BRINP3: variants seen among roughly 807,000 people sequenced by gnomAD.
The protein encoded by BRINP3 is BMP/retinoic acid inducible neural specific 3, also known as BMP/retinoic acid-inducible neural-specific protein 3.
Under a neutral mutation model 71.0 loss-of-function variants are expected in BRINP3, and 19 were observed. The ratio of observed to expected loss-of-function variants is 0.27; its 90% CI spans 0.19 to 0.39. The LOEUF is 0.39. Among genes scored for constraint, BRINP3 ranks in the 10% least tolerant of loss-of-function variants. The probability of loss-of-function intolerance (pLI) is 1.00; values close to 1 mark genes in which losing one functional copy is unlikely to be tolerated. For missense variants in BRINP3, 959 were observed against 940.8 expected (o/e 1.02, Z -0.25); for synonymous variants, 380 against 337.7 (o/e 1.13, Z -1.37).
intron 2 of BRINP3, among the ~76,000 whole-genome samples, chr1:190,406,524 A>T (rs1389681813): frequency 6.6e-6 from 1 of 152,154 alleles, no homozygotes; most frequent in Admixed American, 6.6e-5. Context: ...TTGACTTTTC[A>T]TCTACTTATT....
At chr1:190,189,572 T>C (rs759850457) in intron 6 of BRINP3, among the ~76,000 whole-genome samples, 3 of 152,128 alleles carry the variant, frequency 2.0e-5, no homozygotes, top group Non-Finnish European at 4.4e-5. Context: ...TTGTGTTAAT[T>C]GTATTTTTTC....
intron 6 of BRINP3, among the ~76,000 whole-genome samples, chr1:190,204,550 A>G (rs915364803): frequency 1.6e-4 from 25 of 152,024 alleles, no homozygotes; most frequent in Non-Finnish European, 3.1e-4. Context: ...AGAAAAAAAA[A>G]GTAATACTAC....
In BRINP3 at chr1:190,255,328, C is replaced by G. The variant is rs541406786; in HGVS notation, c.618+9537G>C. 2.7e-5 allele frequency among the ~76,000 whole-genome samples: 4 copies of G among 148,454 alleles called. No individual in the cohort carries two copies. In the East Asian group the frequency reaches 8.0e-4, roughly 30 times the overall value. On this transcript the variant is annotated intron_variant, in intron 4 of 7. Transcript: ENST00000367462. The stretch of plus-strand genomic sequence containing the variant: ...GAGTTAGGGAGGATTCCCTCTTTTT[C>G]TATTGATTGGAATGGTTTCAGAAGG...
intron 3 of BRINP3, among the ~76,000 whole-genome samples, chr1:190,269,825 C>T (rs757989551): frequency 1.3e-5 from 2 of 151,922 alleles, no homozygotes; most frequent in Non-Finnish European, 2.9e-5. Context: ...AATGATACAA[C>T]TTACATACAG....
At chr1:190,372,717 A>T (rs933358955) in intron 2 of BRINP3, among the ~76,000 whole-genome samples, 1 of 152,330 alleles carries the variant, frequency 6.6e-6, no homozygotes, top group East Asian at 1.9e-4. Context: ...AGGCAATTTC[A>T]GTTCAGTTCA....
At chr1:190,189,637 A>T (rs938723080) in intron 6 of BRINP3, among the ~76,000 whole-genome samples, 2 of 151,912 alleles carry the variant, frequency 1.3e-5, no homozygotes, top group Non-Finnish European at 2.9e-5. Flanking sequence ...TAAATTTCTC[A>T]TTCTACTCAC....
intron 2 of BRINP3, among the ~76,000 whole-genome samples, chr1:190,388,699 C>T (rs1393785302): frequency 2.0e-5 from 3 of 151,734 alleles, no homozygotes; most frequent in Non-Finnish European, 2.9e-5. Context: ...TTGTTTTATG[C>T]CACCCAGTTT....
chr1:190,266,257 A>T (rs993438188), intron 3 of BRINP3, among the ~76,000 whole-genome samples: 1 of 152,168 alleles, frequency 6.6e-6, no homozygotes, highest in Admixed American at 6.5e-5. Context: ...AATAGTTTGC[A>T]TTTCCTCTCT....
At chr1:190,144,407 C>A (rs893150463) in intron 7 of BRINP3, among the ~76,000 whole-genome samples, 2 of 152,010 alleles carry the variant, frequency 1.3e-5, no homozygotes, top group African/African-American at 4.8e-5. Context: ...TGGACAATGG[C>A]ATCATCAACT....
At chr1:190,253,627 C>CTT (rs1055278316) in intron 4 of BRINP3, among the ~76,000 whole-genome samples, 1 of 151,792 alleles carries the variant, frequency 6.6e-6, no homozygotes, top group African/African-American at 2.4e-5. Context: ...GGGTTGTTTG[C>CTT]TTTTTTTCTT....
intron 2 of BRINP3, among the ~76,000 whole-genome samples, chr1:190,371,217 T>C (rs1176701864): frequency 3.9e-5 from 6 of 152,224 alleles, no homozygotes; most frequent in Non-Finnish European, 7.3e-5. Context: ...TTGTTGCCTG[T>C]GTTTTGGCAT....
intron 6 of BRINP3, among the ~76,000 whole-genome samples, chr1:190,213,598 G>A (rs1367898435): frequency 1.3e-5 from 2 of 152,000 alleles, no homozygotes; most frequent in African/African-American, 4.8e-5. Flanking sequence ...TCATAGCAAG[G>A]ATGGTACGTG....
intron 2 of BRINP3, among the ~76,000 whole-genome samples, chr1:190,284,317 T>A (rs1234736193): frequency 6.6e-6 from 1 of 152,026 alleles, no homozygotes; most frequent in Non-Finnish European, 1.5e-5. Context: ...GAATCAGCTA[T>A]TCAAAGAAAA....
chr1:190,230,171 T>C lies in BRINP3; in HGVS notation c.725-3853A>G, dbSNP rs554004857. 7.9e-5 allele frequency among the ~76,000 whole-genome samples: 12 copies of C among 151,968 alleles called. No individual in the cohort carries two copies. In the South Asian group the frequency reaches 1.9e-3, roughly 24 times the overall value. ...TACAGAAAATAGCATAAAAGATTTGTGTTATGATGGAAAGGCCTAAACCAC... is the reference window on the plus strand; with the variant it reads ...TACAGAAAATAGCATAAAAGATTTGCGTTATGATGGAAAGGCCTAAACCAC... On this transcript the variant is annotated intron_variant, in intron 5 of 7. Transcript: ENST00000367462.
At chr1:190,134,141 CA>C (rs1330864989) in intron 7 of BRINP3, among the ~76,000 whole-genome samples, 1 of 151,828 alleles carries the variant, frequency 6.6e-6, no homozygotes, top group Non-Finnish European at 1.5e-5. Context: ...AAGGGTGTGA[CA>C]TGATACATAA....
chr1:190,329,177 A>G (rs1666801315), intron 2 of BRINP3, among the ~76,000 whole-genome samples: 1 of 152,104 alleles, frequency 6.6e-6, no homozygotes, highest in Non-Finnish European at 1.5e-5. Context: ...TAGCCAGAGT[A>G]GTCAGGAAAG....
At chr1:190,203,714 G>T (rs1271384105) in intron 6 of BRINP3, among the ~76,000 whole-genome samples, 3 of 130,846 alleles carry the variant, frequency 2.3e-5, no homozygotes, top group South Asian at 2.4e-4. Flanking sequence ...AAATATAAGT[G>T]TGCATTTTAG....
chr1:190,283,759 C>A (rs993766682), intron 2 of BRINP3, among the ~76,000 whole-genome samples: 1 of 151,054 alleles, frequency 6.6e-6, no homozygotes, highest in Admixed American at 6.6e-5. Context: ...TATAGTAATA[C>A]AAAACTTCTA....
intron 1 of BRINP3, among the ~76,000 whole-genome samples, chr1:190,465,040 A>G (rs919510517): frequency 6.6e-6 from 1 of 152,020 alleles, no homozygotes; most frequent in Admixed American, 6.6e-5. Flanking sequence ...AGAACTGATT[A>G]GAAGAATGAA....
Sources: gnomAD v4.1 joint callset for allele counts (sites outside exome capture counted in the v4.1 genomes callset) on GRCh38, gnomAD v4.1.1 for gene constraint, MANE v1.5 for transcripts, NCBI Gene and HGNC (gene_info 2026-07-23, HGNC 2026-07-21) for gene names.